MPRIP: variants seen among roughly 807,000 people sequenced by gnomAD.
The protein encoded by MPRIP is myosin phosphatase Rho-interacting protein.
A neutral mutation model predicts 234.9 loss-of-function variants in MPRIP; 59 were observed. That is an observed-to-expected ratio of 0.25 (90% CI 0.20 to 0.31). The LOEUF (loss-of-function observed/expected upper bound fraction) is 0.31, where lower values mean the gene tolerates loss of function less well. Ranked by LOEUF, MPRIP falls within the 10% of genes least tolerant of loss-of-function variation. The pLI is 1.00. For synonymous variants in MPRIP, 1,144 were observed against 1,263.9 expected, an observed-to-expected ratio of 0.91 and a Z score of 2.01; for missense variants, 2,436 against 3,071.0, an observed-to-expected ratio of 0.79 and a Z score of 4.89.
chr17:17,096,345 C>CA (rs1473578904), intron 3 of MPRIP, among the ~76,000 whole-genome samples: 1 of 139,326 alleles, frequency 7.2e-6, no homozygotes, highest in East Asian at 2.2e-4. Flanking sequence ...GTGTGTGTCT[C>CA]AGAGTCAATG....
In MPRIP at chr17:17,189,134, T is replaced by C. The variant is rs2046534319; in HGVS notation, c.*4240T>C. 6.6e-6 allele frequency: 1 copy of C among 151,928 alleles called. No homozygotes were observed. The highest frequency in any genetic ancestry group is 2.4e-5 in the African/African-American group (1 of 41,308). 9.4% of individuals were successfully genotyped at this position (151,928 alleles called of 1,614,324 possible). A position where few individuals can be genotyped will look rare whatever the true frequency, so the allele number is the denominator to read the frequency against. Reference sequence around the variant, plus strand: ...TGGTCCTAAAGAAGCTTGGAATTTATAAGACTTTCCTTTATAAGATATAGT... The same window carrying C: ...TGGTCCTAAAGAAGCTTGGAATTTACAAGACTTTCCTTTATAAGATATAGT... On this transcript the variant is annotated 3_prime_UTR_variant, in exon 24 of 24. Transcript: ENST00000651222.
chr17:17,044,631 C>A (rs1407215562), intron 1 of MPRIP, among the ~76,000 whole-genome samples: 2 of 152,258 alleles, frequency 1.3e-5, no homozygotes, highest in South Asian at 2.1e-4. Flanking sequence ...CCTGGTTATT[C>A]TAAGCAACTG....
chr17:17,147,869 ATT>A (rs1443627859), intron 11 of MPRIP, among the ~76,000 whole-genome samples: 5 of 152,200 alleles, frequency 3.3e-5, no homozygotes, highest in African/African-American at 1.2e-4. Context: ...GACAGTCCTG[ATT>A]CTGTGGTCAA....
At chr17:17,141,348 G>A (rs1179570020) in intron 7 of MPRIP, 1 of 152,278 alleles carries the variant, frequency 6.6e-6, no homozygotes, top group Non-Finnish European at 1.5e-5. Context: ...TTAGCTTCCT[G>A]CTCTCACAAT....
intron 3 of MPRIP, among the ~76,000 whole-genome samples, chr17:17,125,319 C>T (rs150546564): frequency 1.6e-3 from 247 of 152,360 alleles, no homozygotes; most frequent in African/African-American, 5.6e-3. Flanking sequence ...GCCTCCATCC[C>T]ACCTGCTGTG....
Position 17,068,591 on chromosome 17 carries a change from T to TA in MPRIP, c.124-7118dup, listed in dbSNP as rs1343288727. Among the ~76,000 whole-genome samples the TA allele has an allele frequency of 2.0e-5, 3 of 151,134 alleles. No homozygotes were observed. In the East Asian group the frequency reaches 5.9e-4, roughly 30 times the overall value. On this transcript the variant is annotated intron_variant, in intron 1 of 23. Transcript: ENST00000651222. ...TGTTGCCCATGCTGGAGTGCAGTGT[T>TA]ACAGTCTTGGCTCACTGCAACCTCC...
chr17:17,165,377 G>C lies in MPRIP; in HGVS notation c.3786G>C (p.Arg1262Ser). The change falls in exon 16 of 24, where the codon AGG (arginine) becomes AGC (serine). Residue 1262 changes from arginine (R) to serine (S), a missense_variant. Transcript: ENST00000651222. ...TRAPLGLPHTRLEDEDEDLGA... is the reference protein window; with the variant it reads ...TRAPLGLPHTSLEDEDEDLGA... ...CACCTCTAGGCCTCCCACACACAAG[G>C]CTCGAGGATGAGGACGAGGACCTGG... is the stretch of plus-strand genomic sequence containing the variant. 1 of 1,304,204 alleles carries C rather than the reference G, an allele frequency of 7.7e-7. No individual in the cohort carries two copies. The highest frequency in any genetic ancestry group is 1.0e-6 in the Non-Finnish European group (1 of 988,966). The allele number at this position is 1,304,204 out of a possible 1,614,324, so 80.8% of individuals were successfully genotyped here.
chr17:17,052,169 A>G (rs2088561679), intron 1 of MPRIP, among the ~76,000 whole-genome samples: 1 of 152,138 alleles, frequency 6.6e-6, no homozygotes, highest in Admixed American at 6.5e-5. Context: ...TACAGATTTC[A>G]GCTCCATGAG....
intron 3 of MPRIP, among the ~76,000 whole-genome samples, chr17:17,091,989 G>C (rs1443628744): frequency 6.6e-6 from 1 of 152,256 alleles, no homozygotes; most frequent in African/African-American, 2.4e-5. Flanking sequence ...CTCTTTTTGG[G>C]TGATGCTATG....
chr17:17,166,098 G>C lies in MPRIP; in HGVS notation c.4507G>C (p.Ala1503Pro). 7.7e-7 allele frequency: 1 copy of C among 1,298,266 alleles called. No individual in the cohort carries two copies. Among genetic ancestry groups the C allele is most frequent in the Non-Finnish European group, 1.0e-6 (1 of 984,850 alleles). The allele number at this position is 1,298,266 out of a possible 1,614,324, so 80.4% of individuals were successfully genotyped here. Residue 1503 changes from alanine to proline, a missense_variant, in exon 16 of 24, where the codon GCC (alanine) becomes CCC (proline). By Grantham distance (27) the Ala-to-Pro change is conservative. Transcript: ENST00000651222. This position sits in a 1 kb window ranked among gnomAD's most constrained non-coding sequence, Gnocchi z 4.4. ...GGAGGATGAGCAGGACGCACGCGCA[G>C]CCTCCCTGGCCAGTGTGGAGAGTGC... Reference protein sequence around the residue: ...SQEDEQDARAASLASVESALV... With the variant: ...SQEDEQDARAPSLASVESALV...
At chr17:17,124,781 A>G (rs1322551239) in intron 3 of MPRIP, among the ~76,000 whole-genome samples, 1 of 152,198 alleles carries the variant, frequency 6.6e-6, no homozygotes, top group Admixed American at 6.5e-5. Flanking sequence ...GGGAAGTCAG[A>G]GCAACCCTTC....
In MPRIP at chr17:17,075,727, C is replaced by T. The variant is rs752349795; in HGVS notation, c.141C>T (p.Gly47=). 6.2e-6 allele frequency: 10 copies of T among 1,614,126 alleles called. No individual in the cohort carries two copies. The highest frequency in any genetic ancestry group is 2.2e-5 in the South Asian group (2 of 91,076). ...EDLTQAKPIY[G]GWLLLAPDGT... is the part of the protein sequence containing the mutation. Reference sequence around the variant, plus strand: ...TCCTCTAGGCAAAACCCATTTATGGCGGTTGGCTGCTCCTGGCTCCAGATG... The same window carrying T: ...TCCTCTAGGCAAAACCCATTTATGGTGGTTGGCTGCTCCTGGCTCCAGATG... Residue 47 remains glycine (G), a synonymous_variant, in exon 2 of 24, where the codon GGC becomes GGT. Coordinates refer to ENST00000651222, the MANE Select transcript of MPRIP (RefSeq NM_001364716.4).
rs1288020970 is a variant in MPRIP, at chr17:17,072,555, G to T, written c.124-3155G>T. ...GTGCAGTGACGGTAATGGCAGAAGT[G>T]AGTTGTTAGAGACTGAGGGGGAGGG... On this transcript the variant is annotated intron_variant, in intron 1 of 23. Coordinates refer to ENST00000651222, the MANE Select transcript of MPRIP (RefSeq NM_001364716.4). Among the ~76,000 whole-genome samples, 4 of 152,350 alleles carry T rather than the reference G, an allele frequency of 2.6e-5. No individual in the cohort carries two copies. In the East Asian group the frequency reaches 7.7e-4, roughly 29 times the overall value.
In MPRIP at chr17:17,164,573, G is replaced by A; in HGVS notation, c.2982G>A (p.Gln994=). The A allele has an allele frequency of 8.3e-7, 1 of 1,211,292 alleles. No individual in the cohort carries two copies. Among genetic ancestry groups the A allele is most frequent in the Non-Finnish European group, 1.1e-6 (1 of 947,264 alleles). 75.0% of individuals were successfully genotyped at this position (1,211,292 alleles called of 1,614,324 possible). Residue 994 remains glutamine, a synonymous_variant, in exon 16 of 24, where the codon CAG becomes CAA. Transcript: ENST00000651222. The part of the protein sequence containing the change: ...RDRQKEVQRL[Q]ERIADLSQQL... ...GGCAGAAGGAGGTCCAGAGGCTGCA[G>A]GAGCGCATTGCCGACCTCAGCCAGC...
At chr17:17,148,278 A>T (rs2045523177) in intron 11 of MPRIP, among the ~76,000 whole-genome samples, 1 of 152,212 alleles carries the variant, frequency 6.6e-6, no homozygotes, top group African/African-American at 2.4e-5. Flanking sequence ...AGCACTTCCG[A>T]GTGTGGTCTG....
chr17:17,135,289 C>CAG (rs3053205), intron 5 of MPRIP, among the ~76,000 whole-genome samples: 1 of 151,974 alleles, frequency 6.6e-6, no homozygotes, highest in Non-Finnish European at 1.5e-5. Flanking sequence ...TCCCTCGGAG[C>CAG]TACCACTTCC....
rs879775486 is a variant in MPRIP at position 17,081,616 on chromosome 17, C to T, written c.267+3540C>T. Reference sequence around the variant, plus strand: ...GAAGGTGGACATCAGGAGGTCACAGCGTGCAGGAGAGGGAGGAAGGCAGCA... The same window carrying T: ...GAAGGTGGACATCAGGAGGTCACAGTGTGCAGGAGAGGGAGGAAGGCAGCA... On this transcript the variant is annotated intron_variant, in intron 3 of 23. Transcript: ENST00000651222. Among the ~76,000 whole-genome samples, 14 of 152,160 alleles carry T rather than the reference C, an allele frequency of 9.2e-5. 1 individual carries two copies. The highest frequency in any genetic ancestry group is 1.9e-4 in the Non-Finnish European group (13 of 68,024).
rs1472451141 is a variant in MPRIP at position 17,057,537 on chromosome 17, C to T, written c.123+14566C>T. 8.4e-6 allele frequency: 6 copies of T among 710,524 alleles called. No homozygotes were observed. The African/African-American group carries it at 1.0e-4, about 12-fold the overall frequency. The allele number at this position is 710,524 out of a possible 1,614,324, so 44.0% of individuals were successfully genotyped here. On this transcript the variant is annotated intron_variant, in intron 1 of 23. Coordinates refer to ENST00000651222, the MANE Select transcript of MPRIP (RefSeq NM_001364716.4). ...CTGGCAGAGGGCCCACAGAGCCCCACAGTGGTCCCCAGAGGACCTTGGGGT... is the reference window on the plus strand; with the variant it reads ...CTGGCAGAGGGCCCACAGAGCCCCATAGTGGTCCCCAGAGGACCTTGGGGT...
intron 11 of MPRIP, among the ~76,000 whole-genome samples, chr17:17,147,774 T>C (rs1277203316): frequency 1.3e-5 from 2 of 152,188 alleles, no homozygotes; most frequent in African/African-American, 4.8e-5. Context: ...TCATGGTAAA[T>C]GGAGTTGGAA....
Sources: gnomAD v4.1 joint callset for allele counts (sites outside exome capture counted in the v4.1 genomes callset) on GRCh38, gnomAD v4.1.1 for gene constraint, Gnocchi (gnomAD v3.1) non-coding constraint, MANE v1.5 for transcripts, NCBI Gene and HGNC (gene_info 2026-07-23, HGNC 2026-07-21) for gene names.